PIGG: variants seen among roughly 807,000 people sequenced by gnomAD.
The protein encoded by PIGG is phosphatidylinositol glycan anchor biosynthesis class G (EMM blood group), also known as GPI ethanolamine phosphate transferase 2, catalytic subunit.
In PIGG, 70 loss-of-function variants were observed where a neutral mutation model predicts 83.2. That is an observed-to-expected ratio of 0.84 (90% CI 0.69 to 1.03). The LOEUF (loss-of-function observed/expected upper bound fraction) is 1.03, where lower values mean the gene tolerates loss of function less well. Among genes scored for constraint, PIGG ranks in the 50% least tolerant of loss-of-function variants. PIGG has a pLI of 0.00. For synonymous variants in PIGG, 532 were observed against 519.5 expected (o/e 1.02, Z -0.33); for missense variants, 1,257 against 1,233.6 (o/e 1.02, Z -0.28).
chr4:539,316 G>A lies in PIGG; in HGVS notation c.2899G>A (p.Ala967Thr), dbSNP rs1167530420. 3 of 1,613,556 alleles carry A rather than the reference G, an allele frequency of 1.9e-6. No individual in the cohort carries two copies. The highest frequency in any genetic ancestry group is 2.7e-5 in the African/African-American group (2 of 74,902). Reference sequence around the variant, plus strand: ...GGGAATGCACCTGCTCATTACAGCTGCTGTCTGTGTATTCTTCACGGCAAT... The same window carrying A: ...GGGAATGCACCTGCTCATTACAGCTACTGTCTGTGTATTCTTCACGGCAAT... The part of the protein sequence containing the change: ...YEGMHLLITA[A>T]VCVFFTAMDQ... Residue 967 changes from alanine to threonine, a missense_variant, in exon 13 of 13, where the codon GCT (alanine) becomes ACT (threonine). Coordinates refer to ENST00000453061, the MANE Select transcript of PIGG (RefSeq NM_001127178.3).
chr4:532,439 C>T (rs2109024597), intron 11 of PIGG: 2 of 152,502 alleles, frequency 1.3e-5, no homozygotes, highest in Middle Eastern at 3.4e-3. Context: ...CTGCTTCTGC[C>T]TGTTTGCTCT....
In PIGG at chr4:500,466, C is replaced by T. The variant is rs782103723; in HGVS notation, c.225C>T (p.Ala75=). The change falls in exon 2 of 13, where the codon GCC becomes GCT. Residue 75 remains alanine, a synonymous_variant. Coordinates refer to ENST00000453061, the MANE Select transcript of PIGG (RefSeq NM_001127178.3). ...FSKVVIVLID[A]LRDDFVFGSK... The stretch of plus-strand genomic sequence containing the variant: ...AAGTTGTTATTGTTCTGATAGATGC[C>T]TTGAGAGATGATTTTGTGTTTGGGT... The T allele has an allele frequency of 3.1e-6, 5 of 1,613,720 alleles. No individual in the cohort carries two copies. Among genetic ancestry groups the T allele is most frequent in the African/African-American group, 1.3e-5 (1 of 74,976 alleles).
chr4:522,262 G>A (rs553333497), intron 8 of PIGG: 51 of 569,960 alleles, frequency 8.9e-5, no homozygotes, highest in Non-Finnish European at 1.3e-4. Context: ...CGCTGAGGGG[G>A]TGTGTGAATC....
intron 9 of PIGG, among the ~76,000 whole-genome samples, 178 bp downstream of exon 9, chr4:524,091 G>A (rs1301818342): frequency 6.6e-6 from 1 of 152,248 alleles, no homozygotes; most frequent in Non-Finnish European, 1.5e-5. Context: ...TAGAATCAAT[G>A]TTGAGAAGTG....
At chr4:529,749 G>GCCC (rs1256391962) in intron 10 of PIGG, among the ~76,000 whole-genome samples, 1 of 152,182 alleles carries the variant, frequency 6.6e-6, no homozygotes, top group African/African-American at 2.4e-5. Flanking sequence ...TTCCTAGGAT[G>GCCC]ACTTTGTGAA....
At chr4:523,411 G>A in intron 8 of PIGG, 48 bp from the exon 9 acceptor site, 1 of 1,321,908 alleles carries the variant, frequency 7.6e-7, no homozygotes, top group Non-Finnish European at 1.1e-6. Context: ...AGCAAGATGT[G>A]TGTCGTTATC....
Position 515,935 on chromosome 4 carries a change from C to G in PIGG, c.902-38C>G, listed in dbSNP as rs1211762230. On this transcript the variant is annotated intron_variant, in intron 5 of 12. Transcript: ENST00000453061. This position sits in a 1 kb window ranked among gnomAD's most constrained non-coding sequence, Gnocchi z 4.2. Reference sequence around the variant, plus strand: ...AAGAATGAGTACCATCTTACACTTTCTAGAAGTCTGTTACTTAAAATGTTT... The same window carrying G: ...AAGAATGAGTACCATCTTACACTTTGTAGAAGTCTGTTACTTAAAATGTTT... 5.3e-6 allele frequency: 8 copies of G among 1,523,162 alleles called. No individual in the cohort carries two copies. The highest frequency in any genetic ancestry group is 1.4e-5 in the African/African-American group (1 of 73,116). 94.4% of individuals were successfully genotyped at this position (1,523,162 alleles called of 1,614,324 possible).
chr4:501,072 A>G, intron 2 of PIGG: 1 of 455,250 alleles, frequency 2.2e-6, no homozygotes, highest in Non-Finnish European at 4.4e-6. Flanking sequence ...GGCCTCAACA[A>G]TTACCACTGT....
chr4:530,867 C>T (rs774432828), intron 11 of PIGG, 122 bp downstream of exon 11: 73 of 708,276 alleles, frequency 1.0e-4, no homozygotes, highest in East Asian at 2.0e-4. Flanking sequence ...TGGTGAATTA[C>T]GCTGAACTCT....
At chr4:526,736 T>C (rs1577119600) in intron 9 of PIGG, among the ~76,000 whole-genome samples, 1 of 150,660 alleles carries the variant, frequency 6.6e-6, no homozygotes, top group Non-Finnish European at 1.5e-5. Context: ...TTTTTTTTAA[T>C]GAGTTCTCAC....
intron 9 of PIGG, among the ~76,000 whole-genome samples, chr4:524,289 CAG>C (rs1467152069): frequency 7.2e-5 from 11 of 152,234 alleles, no homozygotes; most frequent in Non-Finnish European, 1.5e-4. Context: ...GCCCATCACT[CAG>C]TGTCTGCCTG....
rs560670353 is a variant in PIGG at position 507,491 on chromosome 4, C to T, written c.657C>T (p.Asp219=). The T allele has an allele frequency of 6.2e-7, 1 of 1,613,986 alleles. No homozygotes were observed. Among genetic ancestry groups the T allele is most frequent in the Non-Finnish European group, 8.5e-7 (1 of 1,179,834 alleles). Reference sequence around the variant, plus strand: ...TAATCCTCCACTACCTGGGGCTGGACCACATTGGCCACATTTCAGGGCCCA... The same window carrying T: ...TAATCCTCCACTACCTGGGGCTGGATCACATTGGCCACATTTCAGGGCCCA... ...DILILHYLGL[D]HIGHISGPNS... Residue 219 remains aspartate (D), a synonymous_variant, in exon 4 of 13, where the codon GAC becomes GAT. Transcript: ENST00000453061.
At chr4:503,863 C>G (rs1477062357) in intron 2 of PIGG, among the ~76,000 whole-genome samples, 1 of 151,654 alleles carries the variant, frequency 6.6e-6, no homozygotes, top group Non-Finnish European at 1.5e-5. Flanking sequence ...CACACACACA[C>G]ACACACACAC....
chr4:528,095 G>T lies in PIGG; in HGVS notation c.2261+865G>T, dbSNP rs1231571071. On this transcript the variant is annotated intron_variant, in intron 10 of 12. Coordinates refer to ENST00000453061, the MANE Select transcript of PIGG (RefSeq NM_001127178.3). The surrounding 1 kb of genome is among the most constrained non-coding windows in gnomAD (Gnocchi z 4.8). Reference sequence around the variant, plus strand: ...CAGTGACCGTCCCAGTGAGGTCGGTGCTCTGATAGTGACCCTCTCAGTGAG... The same window carrying T: ...CAGTGACCGTCCCAGTGAGGTCGGTTCTCTGATAGTGACCCTCTCAGTGAG... The T allele has an allele frequency of 1.0e-6, 1 of 985,176 alleles. No individual in the cohort carries two copies. Among genetic ancestry groups the T allele is most frequent in the Non-Finnish European group, 1.2e-6 (1 of 829,886 alleles). The allele number at this position is 985,176 out of a possible 1,614,324, so 61.0% of individuals were successfully genotyped here.
Position 528,651 on chromosome 4 carries a change from T to C in PIGG, c.2261+1421T>C. On this transcript the variant is annotated intron_variant, in intron 10 of 12. Transcript: ENST00000453061. This position sits in a 1 kb window ranked among gnomAD's most constrained non-coding sequence, Gnocchi z 4.8. ...TTTGGAATCTGAGACTTAGGGCTCATCCAAATGGATGTTACATTTGCGGGT... is the reference window on the plus strand; with the variant it reads ...TTTGGAATCTGAGACTTAGGGCTCACCCAAATGGATGTTACATTTGCGGGT... 2.0e-6 allele frequency: 2 copies of C among 985,122 alleles called. No homozygotes were observed. The highest frequency in any genetic ancestry group is 2.4e-6 in the Non-Finnish European group (2 of 829,656). 61.0% of individuals were successfully genotyped at this position (985,122 alleles called of 1,614,324 possible). A position where few individuals can be genotyped will look rare whatever the true frequency, so the allele number is the denominator to read the frequency against.
chr4:516,264 G>A, intron 6 of PIGG, 79 bp downstream of exon 6: 1 of 912,508 alleles, frequency 1.1e-6, no homozygotes, highest in Non-Finnish European at 1.8e-6. Context: ...GTGTTTCTGT[G>A]GTATGCAGTT....
chr4:517,321 G>A (rs921914693), intron 6 of PIGG, among the ~76,000 whole-genome samples: 3 of 152,148 alleles, frequency 2.0e-5, no homozygotes, highest in Non-Finnish European at 4.4e-5. Flanking sequence ...GTTGCATTCT[G>A]GAAAGATTCT....
At chr4:535,837 G>A (rs1174258856) in intron 12 of PIGG, among the ~76,000 whole-genome samples, 2 of 152,054 alleles carry the variant, frequency 1.3e-5, no homozygotes, top group Non-Finnish European at 2.9e-5. Context: ...TCCTCTCCCC[G>A]CCTCACTCCC....
At position 521,818 on chromosome 4, in the gene PIGG, G is replaced by C. The variant is rs748881412; in HGVS notation, c.1491G>C (p.Ser497=). The C allele has an allele frequency of 1.2e-6, 2 of 1,614,064 alleles. No individual in the cohort carries two copies. Among genetic ancestry groups the C allele is most frequent in the Non-Finnish European group, 8.5e-7 (1 of 1,180,032 alleles). Residue 497 remains serine (S), a synonymous_variant, in exon 8 of 13, where the codon TCG becomes TCC. Coordinates refer to ENST00000453061, the MANE Select transcript of PIGG (RefSeq NM_001127178.3). ...HVIVCTSAES[S]CYFCGLSWLA... is the part of the protein sequence containing the mutation. ...TTGTGTGCACCTCAGCTGAAAGTTC[G>C]TGCTACTTCTGTGGCCTCTCGTGGC... is the stretch of plus-strand genomic sequence containing the variant.
Sources: allele counts gnomAD v4.1 joint callset (sites outside exome capture counted in the v4.1 genomes callset), GRCh38; gene constraint gnomAD v4.1.1; non-coding constraint Gnocchi (gnomAD v3.1); transcripts MANE v1.5; gene names NCBI Gene and HGNC (gene_info 2026-07-23, HGNC 2026-07-21).